NRXN3: variants seen among roughly 807,000 people sequenced by gnomAD.
NRXN3 encodes neurexin III.
A neutral mutation model predicts 137.6 loss-of-function variants in NRXN3; 32 were observed. That is an observed-to-expected ratio of 0.23 (90% CI 0.18 to 0.31). The LOEUF is 0.31. Among genes scored for constraint, NRXN3 ranks in the 10% least tolerant of loss-of-function variants. NRXN3 has a pLI of 1.00. For synonymous variants in NRXN3, 798 were observed against 784.5 expected (o/e 1.02, Z -0.29); for missense variants, 1,574 against 2,062.5 (o/e 0.76, Z 4.59).
chr14:79,408,215 A>G (rs1471679516), intron 15 of NRXN3, among the ~76,000 whole-genome samples: 2 of 152,144 alleles, frequency 1.3e-5, no homozygotes, highest in Non-Finnish European at 2.9e-5. Flanking sequence ...CTCTTTTGAT[A>G]TGATGCAGTT....
At chr14:79,426,162 A>G (rs1197543332) in intron 15 of NRXN3, among the ~76,000 whole-genome samples, 1 of 152,184 alleles carries the variant, frequency 6.6e-6, no homozygotes, top group Non-Finnish European at 1.5e-5. Context: ...CCTTGCTCCA[A>G]AATGACAATA....
intron 17 of NRXN3, among the ~76,000 whole-genome samples, chr14:79,666,014 C>G (rs2098555626): frequency 6.6e-6 from 1 of 152,100 alleles, no homozygotes; most frequent in African/African-American, 2.4e-5. Flanking sequence ...ATCTTGGTTT[C>G]ATCACCTGTG....
At chr14:78,388,975 C>T (rs1312216958) in intron 4 of NRXN3, among the ~76,000 whole-genome samples, 1 of 151,342 alleles carries the variant, frequency 6.6e-6, no homozygotes, top group Non-Finnish European at 1.5e-5. Flanking sequence ...TATATGAGTA[C>T]ATAAATCTTT....
At chr14:79,473,663 A>C (rs1233720390) in intron 16 of NRXN3, among the ~76,000 whole-genome samples, 2 of 152,196 alleles carry the variant, frequency 1.3e-5, no homozygotes, top group Non-Finnish European at 2.9e-5. Context: ...CAAGAAAACA[A>C]CAGAGGTATC....
intron 10 of NRXN3, among the ~76,000 whole-genome samples, chr14:78,938,609 C>T (rs1465633214): frequency 6.6e-6 from 1 of 151,872 alleles, no homozygotes; most frequent in Non-Finnish European, 1.5e-5. Context: ...GTGGTGTTTT[C>T]ACTGACTTTG....
intron 4 of NRXN3, among the ~76,000 whole-genome samples, chr14:78,322,614 A>G (rs2079526243): frequency 6.6e-6 from 1 of 151,870 alleles, no homozygotes; most frequent in Admixed American, 6.5e-5. Context: ...CCCATTCCCT[A>G]GAAGATAAAG....
At chr14:79,548,808 C>A (rs59300744) in intron 16 of NRXN3, among the ~76,000 whole-genome samples, 21,275 of 151,264 alleles carry the variant, frequency 0.14, 2,415 homozygotes, top group African/African-American at 0.32. Flanking sequence ...ATCTGCTGCC[C>A]AAGCAAAGAA....
intron 15 of NRXN3, among the ~76,000 whole-genome samples, chr14:79,359,233 T>G (rs182835055): frequency 7.9e-5 from 12 of 152,264 alleles, no homozygotes; most frequent in African/African-American, 2.9e-4. Context: ...TATAAAGAAA[T>G]AAAGTCTTTT....
At chr14:78,399,720 T>G (rs2091872421) in intron 4 of NRXN3, among the ~76,000 whole-genome samples, 1 of 152,238 alleles carries the variant, frequency 6.6e-6, no homozygotes. Flanking sequence ...CAGTAATTTT[T>G]ATTTGCTATC....
intron 19 of NRXN3, among the ~76,000 whole-genome samples, chr14:79,703,129 T>TGAAA (rs1042217674): frequency 6.6e-6 from 1 of 152,106 alleles, no homozygotes; most frequent in African/African-American, 2.4e-5. Context: ...CTAGTCAAAA[T>TGAAA]GAAAGACTTA....
intron 4 of NRXN3, among the ~76,000 whole-genome samples, chr14:78,314,212 G>C (rs2078291870): frequency 6.6e-6 from 1 of 152,146 alleles, no homozygotes. Flanking sequence ...TTCTCTGTTA[G>C]TCTGTGTTTA....
At chr14:78,913,537 C>CA (rs757942962) in intron 10 of NRXN3, among the ~76,000 whole-genome samples, 1 of 151,956 alleles carries the variant, frequency 6.6e-6, no homozygotes, top group Non-Finnish European at 1.5e-5. Context: ...CTCGGCCTCC[C>CA]AAAGTGCTGG....
At chr14:79,121,877 A>G (rs1251536678) in intron 15 of NRXN3, among the ~76,000 whole-genome samples, 2 of 152,240 alleles carry the variant, frequency 1.3e-5, no homozygotes, top group Non-Finnish European at 2.9e-5. Context: ...ACTAAAATTC[A>G]TGCATATTAC....
At chr14:79,094,975 A>AGTGTGT (rs71131675) in intron 15 of NRXN3, among the ~76,000 whole-genome samples, 1,443 of 88,638 alleles carry the variant, frequency 0.016, 21 homozygotes, top group African/African-American at 0.035. Flanking sequence ...AGAGAGAGAG[A>AGTGTGT]GAGAGTGTGT....
rs181062066 is a variant in NRXN3 at position 78,751,713 on chromosome 14, G to A, written c.2044+36574G>A. ...TGTGCCTGCCCTGGAGGGGACGGAA[G>A]GGGGAAGGAGTGAGGTAAAGTAAGG... is the stretch of plus-strand genomic sequence containing the variant. On this transcript the variant is annotated intron_variant, in intron 8 of 20. Coordinates refer to ENST00000335750, the MANE Select transcript of NRXN3 (RefSeq NM_001330195.2). Among the ~76,000 whole-genome samples the A allele has an allele frequency of 9.1e-4, 137 of 149,774 alleles. 1 individual carries two copies. The highest frequency in any genetic ancestry group is 3.3e-3 in the African/African-American group (135 of 41,370).
chr14:79,454,888 A>C (rs545027330), intron 15 of NRXN3, among the ~76,000 whole-genome samples: 1 of 152,334 alleles, frequency 6.6e-6, no homozygotes, highest in East Asian at 1.9e-4. Context: ...GCTGAAATAC[A>C]CTACTTTTCA....
At chr14:78,673,490 C>G (rs946041558) in intron 6 of NRXN3, among the ~76,000 whole-genome samples, 1 of 152,166 alleles carries the variant, frequency 6.6e-6, no homozygotes, top group African/African-American at 2.4e-5. Flanking sequence ...AAACACATGT[C>G]AAGTTTGGGG....
At chr14:78,574,855 C>T (rs1408723473) in intron 4 of NRXN3, among the ~76,000 whole-genome samples, 1 of 152,176 alleles carries the variant, frequency 6.6e-6, no homozygotes, top group African/African-American at 2.4e-5. Context: ...GCAAACCGCA[C>T]AAGAATTATT....
At chr14:79,320,919 T>C (rs2089897203) in intron 15 of NRXN3, among the ~76,000 whole-genome samples, 1 of 152,018 alleles carries the variant, frequency 6.6e-6, no homozygotes, top group Non-Finnish European at 1.5e-5. Context: ...ATTCTTGAAC[T>C]CCAATACCTA....
Sources: allele counts gnomAD v4.1 joint callset (sites outside exome capture counted in the v4.1 genomes callset), GRCh38; gene constraint gnomAD v4.1.1; transcripts MANE v1.5; gene names NCBI Gene and HGNC (gene_info 2026-07-23, HGNC 2026-07-21).